MEI1: variants seen among roughly 807,000 people sequenced by gnomAD.
MEI1 encodes the protein meiotic double-stranded break formation protein 1.
A neutral mutation model predicts 146.2 loss-of-function variants in MEI1; 103 were observed. That is an observed-to-expected ratio of 0.70 (90% confidence interval 0.60 to 0.83). The LOEUF is 0.83. Among genes scored for constraint, MEI1 ranks in the 40% least tolerant of loss-of-function variants. The pLI is 0.00. For missense variants in MEI1, 1,529 were observed against 1,533.0 expected (o/e 1.00, Z 0.04); for synonymous variants, 652 against 628.2 (o/e 1.04, Z -0.57).
intron 19 of MEI1, among the ~76,000 whole-genome samples, chr22:41,763,943 C>CTT (rs71184839): frequency 3.5e-4 from 32 of 91,546 alleles, no homozygotes; most frequent in South Asian, 7.9e-4. Context: ...GGGAAGTTTC[C>CTT]TTTTTTTTTT....
intron 11 of MEI1, among the ~76,000 whole-genome samples, chr22:41,734,952 T>A (rs1387164861): frequency 1.3e-5 from 2 of 151,384 alleles, no homozygotes; most frequent in Non-Finnish European, 2.9e-5. Flanking sequence ...TTTTATATAT[T>A]TTTTTATTGT....
rs2076282427 is a variant in MEI1 at position 41,794,013 on chromosome 22, T to C, written c.3427+103T>C. The C allele has an allele frequency of 8.0e-6, 9 of 1,119,130 alleles. No individual in the cohort carries two copies. In the South Asian group the frequency reaches 8.1e-5, roughly 10 times the overall value. The allele number at this position is 1,119,130 out of a possible 1,614,324, so 69.3% of individuals were successfully genotyped here. ...GCCTTCCATTCCCTTGTGTGACTCA[T>C]ACTTGTTTTGTTTAATTCTTTTAGC... On this transcript the variant is annotated intron_variant, in intron 27 of 30. Transcript: ENST00000401548.
At chr22:41,775,600 T>TC (rs1169724648) in intron 20 of MEI1, among the ~76,000 whole-genome samples, 1 of 151,458 alleles carries the variant, frequency 6.6e-6, no homozygotes, top group African/African-American at 2.4e-5. Context: ...TATTCTTTTT[T>TC]TTTTTTTTTT....
chr22:41,732,537 A>G lies in MEI1; in HGVS notation c.1265A>G (p.Glu422Gly), dbSNP rs777135913. 2 of 1,613,802 alleles carry G rather than the reference A, an allele frequency of 1.2e-6. No homozygotes were observed. Among genetic ancestry groups the G allele is most frequent in the Non-Finnish European group, 1.7e-6 (2 of 1,179,854 alleles). ...AGAGATGCTGGCCGTGCCCTCCAAG[A>G]AGCAGTTAGCAGCCCTGTGCTGGAG... The part of the protein sequence containing the change: ...MCRDAGRALQ[E>G]AVSSPVLEVA... The change falls in exon 11 of 31, where the codon GAA (glutamate) becomes GGA (glycine). Residue 422 changes from glutamate to glycine, a missense_variant. Glu to Gly is a moderately conservative substitution (Grantham distance 98). This residue lies in a region of MEI1 where 1,212 missense variants were observed against 1,178.9 expected (regional missense o/e 1.03). Transcript: ENST00000401548.
At chr22:41,762,250 T>C (rs2074541085) in intron 18 of MEI1, among the ~76,000 whole-genome samples, 1 of 152,038 alleles carries the variant, frequency 6.6e-6, no homozygotes, top group African/African-American at 2.4e-5. Flanking sequence ...CTTTCTTTCT[T>C]CCTTTCCTTT....
intron 22 of MEI1, 121 bp downstream of exon 22, chr22:41,778,933 G>T (rs2075611411): frequency 1.4e-6 from 1 of 708,734 alleles, no homozygotes; most frequent in African/African-American, 1.8e-5. Flanking sequence ...GAAGCTAGTA[G>T]GTCAGTCTGT....
chr22:41,745,337 C>A (rs1351725689), intron 13 of MEI1, among the ~76,000 whole-genome samples: 2 of 152,108 alleles, frequency 1.3e-5, no homozygotes, highest in African/African-American at 4.8e-5. Context: ...CCACCACCCC[C>A]CAACTAGCCT....
At chr22:41,781,447 CTG>C in intron 23 of MEI1, 53 bp downstream of exon 23, 1 of 1,434,664 alleles carries the variant, frequency 7.0e-7, no homozygotes, top group Admixed American at 2.0e-5. Flanking sequence ...CTGTGGTCCT[CTG>C]TATCTCAACT....
In MEI1 at chr22:41,793,897, G is replaced by A; in HGVS notation, c.3414G>A (p.Arg1138=). 2 of 1,612,662 alleles carry A rather than the reference G, an allele frequency of 1.2e-6. No homozygotes were observed. Among genetic ancestry groups the A allele is most frequent in the Non-Finnish European group, 1.7e-6 (2 of 1,179,460 alleles). ...CCTTGCTTGACTACCTGGATGCCCGGAGCCCAGACATTGGTAGAAACTCTC... is the reference window on the plus strand; with the variant it reads ...CCTTGCTTGACTACCTGGATGCCCGAAGCCCAGACATTGGTAGAAACTCTC... ...LEALLDYLDA[R]SPDIALHVAS... is the part of the protein sequence containing the mutation. The change falls in exon 27 of 31, where the codon CGG becomes CGA. Residue 1138 remains arginine, a synonymous_variant. Coordinates refer to ENST00000401548, the MANE Select transcript of MEI1 (RefSeq NM_152513.4).
rs377511326 is a variant in MEI1, at chr22:41,794,473, C to T, written c.3530C>T (p.Thr1177Ile). ...AGACCTGAGATTTTGAGGCTCATGA[C>T]CCTGGTAAGTGCAGAAAGGATATCT... ...FLRPEILRLM[T>I]LFMRYRSSSV... is the part of the protein sequence containing the mutation. Residue 1177 changes from threonine to isoleucine, a missense_variant, in exon 28 of 31, where the codon ACC becomes ATC. Thr to Ile is a moderately conservative substitution (Grantham distance 89). Transcript: ENST00000401548. 1.0e-4 allele frequency: 168 copies of T among 1,612,646 alleles called. No individual in the cohort carries two copies. In the African/African-American group the frequency reaches 1.9e-3, roughly 19 times the overall value.
Position 41,699,828 on chromosome 22 carries a change from G to A in MEI1, c.174+116G>A, listed in dbSNP as rs1034648957. The stretch of plus-strand genomic sequence containing the variant: ...ACCCGACGCGAAACCGGGCCCCCGC[G>A]CTGTGTTCACTCTCCTCCCTGTCAG... On this transcript the variant is annotated intron_variant, in intron 1 of 30. Coordinates refer to ENST00000401548, the MANE Select transcript of MEI1 (RefSeq NM_152513.4). 114 of 1,290,326 alleles carry A rather than the reference G, an allele frequency of 8.8e-5. No homozygotes were observed. The African/African-American group carries it at 1.4e-3, about 16-fold the overall frequency. The allele number at this position is 1,290,326 out of a possible 1,614,324, so 79.9% of individuals were successfully genotyped here. A position where few individuals can be genotyped will look rare whatever the true frequency, so the allele number is the denominator to read the frequency against.
At chr22:41,699,818 G>C (rs2068552710) in intron 1 of MEI1, 106 bp downstream of exon 1, 1 of 1,345,854 alleles carries the variant, frequency 7.4e-7, no homozygotes, top group African/African-American at 1.5e-5. Context: ...ACGCGAAACC[G>C]GGCCCCCGCG....
rs541293430 is a variant in MEI1, at chr22:41,778,024, T to G, written c.2711-684T>G. Among the ~76,000 whole-genome samples, 3 of 151,446 alleles carry G rather than the reference T, an allele frequency of 2.0e-5. No individual in the cohort carries two copies. In the East Asian group the frequency reaches 5.8e-4, roughly 29 times the overall value. On this transcript the variant is annotated intron_variant, in intron 21 of 30. Transcript: ENST00000401548. ...TCCTTCCTTCCTTCTCCTCCTTTCT[T>G]CCTTCTCCTCCTTTCTTCCTCCTCC...
In MEI1 at chr22:41,794,237, C is replaced by CCT. The variant is rs543783938; in HGVS notation, c.3428-132_3428-131dup. ...ATTAGAAGCCCAGGGAAGAAAGAAC[C>CCT]CTCCTTGGGTCAGCTTGTTCAGTGC... On this transcript the variant is annotated intron_variant, in intron 27 of 30. Coordinates refer to ENST00000401548, the MANE Select transcript of MEI1 (RefSeq NM_152513.4). The CCT allele has an allele frequency of 9.3e-5, 70 of 753,354 alleles. No individual in the cohort carries two copies. The East Asian group carries it at 1.7e-3, about 18-fold the overall frequency. 46.7% of individuals were successfully genotyped at this position (753,354 alleles called of 1,614,324 possible).
At chr22:41,777,278 C>T (rs1256053087) in intron 21 of MEI1, among the ~76,000 whole-genome samples, 1 of 151,728 alleles carries the variant, frequency 6.6e-6, no homozygotes, top group Non-Finnish European at 1.5e-5. Flanking sequence ...GCCTCAGCCT[C>T]CATAGTAGCT....
intron 11 of MEI1, 21 bp from the exon 12 acceptor site, chr22:41,743,059 C>CTT: frequency 6.3e-7 from 1 of 1,587,620 alleles, no homozygotes; most frequent in Non-Finnish European, 8.6e-7. Flanking sequence ...CGTGAACCTG[C>CTT]TTTTGTCTCT....
intron 1 of MEI1, 130 bp downstream of exon 1, chr22:41,699,842 C>T (rs1569126909): frequency 8.4e-7 from 1 of 1,185,298 alleles, no homozygotes; most frequent in Non-Finnish European, 1.1e-6. Context: ...TGTTCACTCT[C>T]CTCCCTGTCA....
chr22:41,782,029 G>T (rs1464284317), intron 24 of MEI1, among the ~76,000 whole-genome samples, 184 bp downstream of exon 24: 1 of 152,162 alleles, frequency 6.6e-6, no homozygotes, highest in African/African-American at 2.4e-5. Context: ...TTGTTGTGAG[G>T]TTGTTTCATA....
intron 26 of MEI1, among the ~76,000 whole-genome samples, chr22:41,786,371 G>A (rs997919822): frequency 9.2e-5 from 14 of 152,256 alleles, no homozygotes; most frequent in African/African-American, 3.4e-4. Flanking sequence ...AAGCTACAGT[G>A]ACAGAAACAA....
Sources: gnomAD v4.1 joint callset for allele counts (sites outside exome capture counted in the v4.1 genomes callset) on GRCh38, gnomAD v4.1.1 for gene constraint, gnomAD v4.1.1 regional missense constraint, MANE v1.5 for transcripts, NCBI Gene and HGNC (gene_info 2026-07-23, HGNC 2026-07-21) for gene names.